CEP135: variants seen among roughly 807,000 people sequenced by gnomAD.
The protein encoded by CEP135 is centrosomal protein of 135 kDa.
CEP135 carries 142 observed loss-of-function variants against 157.3 expected under a neutral mutation model. The observed-to-expected ratio is 0.90, with a 90% CI of 0.79 to 1.04. CEP135 has a LOEUF of 1.04. Among genes scored for constraint, CEP135 ranks in the 50% least tolerant of loss-of-function variants. CEP135 has a pLI of 0.00. For synonymous variants in CEP135, 396 were observed against 439.8 expected, an observed-to-expected ratio of 0.90 and a Z score of 1.25; for missense variants, 1,317 against 1,309.2, an observed-to-expected ratio of 1.01 and a Z score of -0.09.
Position 55,976,207 on chromosome 4 carries a change from T to A in CEP135, c.1473+1238T>A, listed in dbSNP as rs570846576. ...AGTTCGAGGCTGCAGTGAGCCATGATCTCGTCACTGCATTCCAGCCTGGGT... is the reference window on the plus strand; with the variant it reads ...AGTTCGAGGCTGCAGTGAGCCATGAACTCGTCACTGCATTCCAGCCTGGGT... On this transcript the variant is annotated intron_variant, in intron 11 of 25. Transcript: ENST00000257287. Among the ~76,000 whole-genome samples, 4 of 148,038 alleles carry A rather than the reference T, an allele frequency of 2.7e-5. No homozygotes were observed. The South Asian group carries it at 8.5e-4, about 32-fold the overall frequency.
At chr4:56,006,613 G>C (rs1328819893) in intron 17 of CEP135, among the ~76,000 whole-genome samples, 1 of 152,022 alleles carries the variant, frequency 6.6e-6, no homozygotes, top group Non-Finnish European at 1.5e-5. Flanking sequence ...ATGAGACCCT[G>C]TCTCAAAAAA....
In CEP135 at chr4:56,009,875, A is replaced by G. The variant is rs1172725123; in HGVS notation, c.2477A>G (p.Asp826Gly). 1 of 1,613,660 alleles carries G rather than the reference A, an allele frequency of 6.2e-7. No homozygotes were observed. Among genetic ancestry groups the G allele is most frequent in the South Asian group, 1.1e-5 (1 of 90,820 alleles). The change falls in exon 19 of 26, where the codon GAC (aspartate) becomes GGC (glycine). Residue 826 changes from aspartate to glycine, a missense_variant. Transcript: ENST00000257287. ...AAGGAAAACAGAAGACTGCAAGATG[A>G]CCTGGCTACAATGGCAAGAGAAAAT... ...AFKENRRLQDDLATMARENQE... is the reference protein window; with the variant it reads ...AFKENRRLQDGLATMARENQE...
rs547752189 is a variant in CEP135, at chr4:56,017,579, G to C, written c.2803-69G>C. 905 of 1,334,188 alleles carry C rather than the reference G, an allele frequency of 6.8e-4. 2 individuals carry two copies. The highest frequency in any genetic ancestry group is 9.3e-4 in the African/African-American group (63 of 67,648). 82.6% of individuals were successfully genotyped at this position (1,334,188 alleles called of 1,614,324 possible). On this transcript the variant is annotated intron_variant, in intron 21 of 25. Transcript: ENST00000257287. The stretch of plus-strand genomic sequence containing the variant: ...TTTTTCTAAAGTGAGATTGTTGGCT[G>C]TACAAATTCAAGTTCTTAAAATTAT...
rs1044733014 is a variant in CEP135, at chr4:56,019,348, C to T, written c.3013-5C>T. The T allele has an allele frequency of 2.0e-5, 32 of 1,601,666 alleles. No homozygotes were observed. Among genetic ancestry groups the T allele is most frequent in the Non-Finnish European group, 2.6e-5 (30 of 1,175,860 alleles). On this transcript the variant is annotated splice_polypyrimidine_tract_variant and splice_region_variant and intron_variant, in intron 22 of 25. Coordinates refer to ENST00000257287, the MANE Select transcript of CEP135 (RefSeq NM_025009.5). ...TGAAGTAATCTTACTTTGTTTTTCA[C>T]GTAGGTTGTGGTGGAATTAGAAAAT... is the stretch of plus-strand genomic sequence containing the variant.
At chr4:55,968,283 A>G (rs576219815) in intron 8 of CEP135, among the ~76,000 whole-genome samples, 1 of 152,284 alleles carries the variant, frequency 6.6e-6, no homozygotes, top group South Asian at 2.1e-4. Context: ...AAATGGAAAG[A>G]CATTCCGTGT....
Position 56,009,749 on chromosome 4 carries a change from C to T in CEP135, c.2351C>T (p.Thr784Ile), listed in dbSNP as rs1730500519. Residue 784 changes from threonine to isoleucine, a missense_variant, in exon 19 of 26, where the codon ACA becomes ATA. Coordinates refer to ENST00000257287, the MANE Select transcript of CEP135 (RefSeq NM_025009.5). ...CESSVNQLKETLVNRDREINS... is the reference protein window; with the variant it reads ...CESSVNQLKEILVNRDREINS... ...TCATTTAACAGCCAGCTGAAAGAAA[C>T]ATTGGTTAATCGAGATCGTGAGATA... is the stretch of plus-strand genomic sequence containing the variant. 1 of 1,602,448 alleles carries T rather than the reference C, an allele frequency of 6.2e-7. No homozygotes were observed. Among genetic ancestry groups the T allele is most frequent in the Admixed American group, 1.8e-5 (1 of 56,322 alleles).
At chr4:56,010,066 T>A (rs1443616309) in intron 19 of CEP135, among the ~76,000 whole-genome samples, 163 bp downstream of exon 19, 1 of 151,962 alleles carries the variant, frequency 6.6e-6, no homozygotes, top group Non-Finnish European at 1.5e-5. Flanking sequence ...AAATGGAGCT[T>A]AGGCCGGGCG....
Position 56,000,486 on chromosome 4 carries a change from C to T in CEP135, c.2280+841C>T, listed in dbSNP as rs902266299. On this transcript the variant is annotated intron_variant, in intron 17 of 25. Coordinates refer to ENST00000257287, the MANE Select transcript of CEP135 (RefSeq NM_025009.5). ...GCCCATTAATCAACCTCTCTTCACG[C>T]CTCCTCCCTCATCCTTTTACTGGTC... Among the ~76,000 whole-genome samples, 4 of 152,262 alleles carry T rather than the reference C, an allele frequency of 2.6e-5. No individual in the cohort carries two copies. The East Asian group carries it at 7.7e-4, about 29-fold the overall frequency.
At chr4:56,017,606 G>A (rs1280334998) in intron 21 of CEP135, 42 bp from the exon 22 acceptor site, 8 of 1,468,850 alleles carry the variant, frequency 5.4e-6, no homozygotes, top group Non-Finnish European at 6.4e-6. Context: ...TAAAATTATT[G>A]GGTTATTTTA....
intron 7 of CEP135, 47 bp from the exon 8 acceptor site, chr4:55,965,597 G>A: frequency 7.8e-7 from 1 of 1,281,392 alleles, no homozygotes; most frequent in Non-Finnish European, 1.1e-6. Context: ...CAGTGTTTAG[G>A]ATAATTTTCC....
intron 10 of CEP135, among the ~76,000 whole-genome samples, chr4:55,972,769 C>T (rs1356274486): frequency 1.3e-4 from 20 of 152,188 alleles, no homozygotes; most frequent in South Asian, 2.1e-4. Flanking sequence ...CGGTGGCTCA[C>T]GCCTGTAATC....
chr4:56,030,500 T>G (rs751318924), intron 25 of CEP135, among the ~76,000 whole-genome samples: 4 of 152,192 alleles, frequency 2.6e-5, no homozygotes, highest in Non-Finnish European at 5.9e-5. Flanking sequence ...TTGCCCAGAC[T>G]GGAGAGGTGC....
In CEP135 at chr4:56,009,822, A is replaced by G. The variant is rs1334420673; in HGVS notation, c.2424A>G (p.Glu808=). Residue 808 remains glutamate (E), a synonymous_variant, in exon 19 of 26, where the codon GAA becomes GAG. Coordinates refer to ENST00000257287, the MANE Select transcript of CEP135 (RefSeq NM_025009.5). The part of the protein sequence containing the change: ...QLDAAHKELD[E]VGRSREIAFK... Reference sequence around the variant, plus strand: ...ATGCAGCTCACAAAGAACTCGATGAAGTAGGAAGATCTAGAGAAATCGCTT... The same window carrying G: ...ATGCAGCTCACAAAGAACTCGATGAGGTAGGAAGATCTAGAGAAATCGCTT... The G allele has an allele frequency of 6.2e-7, 1 of 1,614,184 alleles. No homozygotes were observed. Among genetic ancestry groups the G allele is most frequent in the Non-Finnish European group, 8.5e-7 (1 of 1,180,022 alleles).
At chr4:56,023,456 A>G (rs983415576) in intron 24 of CEP135, among the ~76,000 whole-genome samples, 7 of 151,908 alleles carry the variant, frequency 4.6e-5, no homozygotes, top group Non-Finnish European at 1.0e-4. Flanking sequence ...AATTTTTTTA[A>G]GTATAAAGAA....
At chr4:56,026,392 G>A (rs1217758756) in intron 25 of CEP135, among the ~76,000 whole-genome samples, 1 of 152,166 alleles carries the variant, frequency 6.6e-6, no homozygotes, top group Non-Finnish European at 1.5e-5. Context: ...TGTCCTGACT[G>A]TTAAAAGTGT....
At chr4:55,985,774 ATACAAT>A (rs921092775) in intron 14 of CEP135, among the ~76,000 whole-genome samples, 1 of 152,034 alleles carries the variant, frequency 6.6e-6, no homozygotes, top group African/African-American at 2.4e-5. Context: ...ACACTGTTTT[ATACAAT>A]TACAATTACA....
chr4:55,968,955 C>A, intron 8 of CEP135, 108 bp from the exon 9 acceptor site: 1 of 703,170 alleles, frequency 1.4e-6, no homozygotes, highest in Non-Finnish European at 2.3e-6. Context: ...TCAGATCTCA[C>A]TGGTAAGAGG....
intron 1 of CEP135, among the ~76,000 whole-genome samples, 165 bp from the exon 2 acceptor site, chr4:55,951,921 C>T (rs1443993827): frequency 6.6e-6 from 1 of 152,152 alleles, no homozygotes. Context: ...AATGCAGTAA[C>T]AGGAATATCA....
chr4:56,028,448 C>T (rs1731225241), intron 25 of CEP135, among the ~76,000 whole-genome samples: 1 of 152,118 alleles, frequency 6.6e-6, no homozygotes, highest in East Asian at 1.9e-4. Flanking sequence ...TAATCATCAA[C>T]AAACTCATAA....
Sources: allele counts gnomAD v4.1 joint callset (sites outside exome capture counted in the v4.1 genomes callset), GRCh38; gene constraint gnomAD v4.1.1; transcripts MANE v1.5; gene names NCBI Gene and HGNC (gene_info 2026-07-23, HGNC 2026-07-21).